The following RNU5D-1 variants were observed in gnomAD, a reference collection of about 807,000 sequenced individuals.
RNU5D-1 encodes the protein RNA, U5D small nuclear.
exon 1 of RNU5D-1, chr1:44,731,080 A>C (rs960883483): frequency 3.3e-5 from 5 of 152,260 alleles, no homozygotes; most frequent in East Asian, 1.9e-4. Context: ...GGGCTTCAAA[A>C]AATTTGCTTG....
chr1:44,731,111 C>T (rs372141323), exon 1 of RNU5D-1: 34 of 152,062 alleles, frequency 2.2e-4, no homozygotes, highest in African/African-American at 6.5e-4. Flanking sequence ...CGGTTTCTCT[C>T]CACGGAAATC....
At position 44,731,137 on chromosome 1, in the gene RNU5D-1, A is replaced by G. The variant is rs150614444; in HGVS notation, n.34T>C. The G allele has an allele frequency of 2.0e-5, 3 of 151,916 alleles. No homozygotes were observed. The Admixed American group carries it at 2.0e-4, about 10-fold the overall frequency. The allele number at this position is 151,916 out of a possible 1,614,324, so 9.4% of individuals were successfully genotyped here. ...CACGGAAATCTTTAGTAAAAGGCGA[A>G]AGATTTATACGATTTGAAGAGAAAC... On this transcript the variant is annotated non_coding_transcript_exon_variant, in exon 1 of 1. Coordinates refer to ENST00000363299, the Ensembl canonical transcript of RNU5D-1.
chr1:44,731,128 A>AT (rs1648463133), exon 1 of RNU5D-1: 1 of 151,912 alleles, frequency 6.6e-6, no homozygotes, highest in Non-Finnish European at 1.5e-5. Flanking sequence ...AATCTTTAGT[A>AT]AAAGGCGAAA....
exon 1 of RNU5D-1, chr1:44,731,096 C>T (rs536913271): frequency 2.6e-5 from 4 of 151,990 alleles, no homozygotes; most frequent in Admixed American, 6.6e-5. Context: ...GCTTGAAACT[C>T]AAAACGGTTT....
At chr1:44,731,106 T>TC (rs764840937) in exon 1 of RNU5D-1, 66 of 151,920 alleles carry the variant, frequency 4.3e-4, no homozygotes, top group Non-Finnish European at 5.7e-4. Context: ...CAAAACGGTT[T>TC]CTCTCCACGG....
chr1:44,731,134 C>G (rs376971734), exon 1 of RNU5D-1: 6 of 151,512 alleles, frequency 4.0e-5, no homozygotes, highest in African/African-American at 9.7e-5. Context: ...TAGTAAAAGG[C>G]GAAAGATTTA....
exon 1 of RNU5D-1, chr1:44,731,105 T>TA (rs1350459522): frequency 7.3e-5 from 11 of 151,722 alleles, no homozygotes; most frequent in Admixed American, 1.3e-4. Context: ...TCAAAACGGT[T>TA]TCTCTCCACG....
At chr1:44,731,111 C>G (rs372141323) in exon 1 of RNU5D-1, 10 of 151,944 alleles carry the variant, frequency 6.6e-5, no homozygotes, top group African/African-American at 2.4e-4. Flanking sequence ...CGGTTTCTCT[C>G]CACGGAAATC....
exon 1 of RNU5D-1, chr1:44,731,074 T>TA (rs1211721201): frequency 6.6e-6 from 1 of 152,108 alleles, no homozygotes; most frequent in Admixed American, 6.6e-5. Flanking sequence ...AACATAGGGC[T>TA]TCAAAAAATT....
exon 1 of RNU5D-1, chr1:44,731,137 A>T (rs150614444): frequency 1.3e-5 from 2 of 151,798 alleles, no homozygotes; most frequent in Non-Finnish European, 2.9e-5. Context: ...TAAAAGGCGA[A>T]AGATTTATAC....
exon 1 of RNU5D-1, chr1:44,731,074 T>A (rs964270656): frequency 3.3e-5 from 5 of 152,108 alleles, no homozygotes; most frequent in African/African-American, 4.8e-5. Flanking sequence ...AACATAGGGC[T>A]TCAAAAAATT....
exon 1 of RNU5D-1, chr1:44,731,124 T>G (rs555452678): frequency 6.6e-6 from 1 of 151,938 alleles, no homozygotes; most frequent in East Asian, 1.9e-4. Context: ...CGGAAATCTT[T>G]AGTAAAAGGC....
chr1:44,731,153 G>GT (rs1315444117), exon 1 of RNU5D-1: 8 of 151,248 alleles, frequency 5.3e-5, no homozygotes, highest in Non-Finnish European at 1.2e-4. Context: ...TATACGATTT[G>GT]AAGAGAAACC....
chr1:44,731,125 AG>A (rs1461499911), exon 1 of RNU5D-1: 1 of 151,988 alleles, frequency 6.6e-6, no homozygotes, highest in African/African-American at 2.4e-5. Context: ...GGAAATCTTT[AG>A]TAAAAGGCGA....
exon 1 of RNU5D-1, chr1:44,731,121 C>T (rs192101981): frequency 9.9e-5 from 15 of 152,044 alleles, no homozygotes; most frequent in African/African-American, 2.7e-4. Flanking sequence ...CCACGGAAAT[C>T]TTTAGTAAAA....
exon 1 of RNU5D-1, chr1:44,731,165 G>T (rs7546285): frequency 6.6e-6 from 1 of 151,560 alleles, no homozygotes; most frequent in Non-Finnish European, 1.5e-5. Context: ...AGAGAAACCA[G>T]AGCATGTGTT....
exon 1 of RNU5D-1, chr1:44,731,106 T>G (rs997010977): frequency 1.3e-5 from 2 of 151,920 alleles, no homozygotes; most frequent in African/African-American, 4.8e-5. Flanking sequence ...CAAAACGGTT[T>G]CTCTCCACGG....
exon 1 of RNU5D-1, chr1:44,731,157 A>G (rs1188218247): frequency 4.6e-5 from 7 of 151,142 alleles, no homozygotes; most frequent in Admixed American, 2.0e-4. Context: ...CGATTTGAAG[A>G]GAAACCAGAG....
chr1:44,731,169 A>C (rs542436988), exon 1 of RNU5D-1: 2 of 151,810 alleles, frequency 1.3e-5, no homozygotes, highest in African/African-American at 2.4e-5. Context: ...AAACCAGAGC[A>C]TGTGTTGGAA....
Sources: allele counts gnomAD v4.1 joint callset, GRCh38; gene constraint gnomAD v4.1.1; transcripts MANE v1.5; gene names NCBI Gene and HGNC (gene_info 2026-07-23, HGNC 2026-07-21).